The following ROR2 variants were observed in gnomAD, a reference collection of about 807,000 sequenced individuals.
ROR2 encodes ROR family WNT receptor 2, also known as tyrosine-protein kinase transmembrane receptor ROR2.
ROR2 carries 33 observed loss-of-function variants against 74.9 expected under a neutral mutation model. The ratio of observed to expected loss-of-function variants is 0.44; its 90% confidence interval spans 0.33 to 0.59. The LOEUF is 0.59. ROR2 is among the 20% of genes least tolerant of loss of function. The pLI is 0.02. For missense variants in ROR2, 1,216 were observed against 1,313.8 expected, an observed-to-expected ratio of 0.93 and a Z score of 1.15; for synonymous variants, 586 against 558.7, an observed-to-expected ratio of 1.05 and a Z score of -0.69.
At position 91,773,913 on chromosome 9, in the gene ROR2, T is replaced by C. The variant is rs111830021; in HGVS notation, c.175+1828A>G. Among the ~76,000 whole-genome samples the C allele has an allele frequency of 1.2e-4, 17 of 147,394 alleles. 1 individual carries two copies. Among genetic ancestry groups the C allele is most frequent in the Middle Eastern group, 6.8e-3 (2 of 294 alleles). Reference sequence around the variant, plus strand: ...AACCTGATCTCTTCCTTTAGGCCACTTGGCCACAACTCAGAATTTTATCAT... The same window carrying C: ...AACCTGATCTCTTCCTTTAGGCCACCTGGCCACAACTCAGAATTTTATCAT... On this transcript the variant is annotated intron_variant, in intron 2 of 8. Coordinates refer to ENST00000375708, the MANE Select transcript of ROR2 (RefSeq NM_004560.4).
intron 1 of ROR2, among the ~76,000 whole-genome samples, chr9:91,835,858 C>A (rs959873297): frequency 6.6e-6 from 1 of 152,190 alleles, no homozygotes; most frequent in Non-Finnish European, 1.5e-5. Context: ...AACACTCTCA[C>A]GAGATGTCTC....
At chr9:91,867,656 CTGTGTGTGTGTGTGTGTGTG>C (rs57475950) in intron 1 of ROR2, among the ~76,000 whole-genome samples, 7 of 131,288 alleles carry the variant, frequency 5.3e-5, no homozygotes, top group African/African-American at 1.2e-4. Context: ...CACCCATGAG[CTGTGTGTGTGTGTGTGTGTG>C]TGTGTGTGTG....
At chr9:91,725,159 A>G in intron 8 of ROR2, 52 bp from the exon 9 acceptor site, 3 of 1,607,638 alleles carry the variant, frequency 1.9e-6, no homozygotes, top group Non-Finnish European at 2.5e-6. Context: ...GCAGCCCTGG[A>G]GGAAGCTGCA....
chr9:91,877,788 G>A (rs1829997554), intron 1 of ROR2, among the ~76,000 whole-genome samples: 1 of 152,178 alleles, frequency 6.6e-6, no homozygotes, highest in South Asian at 2.1e-4. Context: ...GCTAAAACAG[G>A]AGAAGGAAGT....
chr9:91,862,833 A>G (rs1224894175), intron 1 of ROR2, among the ~76,000 whole-genome samples: 7 of 152,230 alleles, frequency 4.6e-5, no homozygotes, highest in Non-Finnish European at 7.3e-5. Context: ...AGTCTACGGT[A>G]TTTTGTTATG....
At chr9:91,814,414 G>C (rs535136776) in intron 1 of ROR2, among the ~76,000 whole-genome samples, 22 of 152,116 alleles carry the variant, frequency 1.4e-4, no homozygotes, top group Non-Finnish European at 3.1e-4. Flanking sequence ...AGGGAGAAGA[G>C]CGGCCATCCA....
At chr9:91,753,616 G>A (rs1243414486) in intron 4 of ROR2, among the ~76,000 whole-genome samples, 2 of 152,198 alleles carry the variant, frequency 1.3e-5, no homozygotes, top group African/African-American at 4.8e-5. Flanking sequence ...CCAGGGAAGG[G>A]AGACGCGGTG....
intron 1 of ROR2, among the ~76,000 whole-genome samples, chr9:91,880,215 G>A (rs1222788993): frequency 6.6e-6 from 1 of 152,130 alleles, no homozygotes; most frequent in Non-Finnish European, 1.5e-5. Context: ...AAGACACAGG[G>A]TGAAGACACC....
intron 7 of ROR2, among the ~76,000 whole-genome samples, chr9:91,729,404 C>A (rs535085782): frequency 1.1e-3 from 169 of 152,332 alleles, no homozygotes; most frequent in African/African-American, 3.9e-3. Flanking sequence ...TAATTTCATT[C>A]TTAAAATTTG....
intron 1 of ROR2, among the ~76,000 whole-genome samples, chr9:91,818,397 C>G (rs1483852275): frequency 6.6e-6 from 1 of 151,634 alleles, no homozygotes; most frequent in Non-Finnish European, 1.5e-5. Flanking sequence ...AATGCCACAC[C>G]CCCCCACAGG....
intron 1 of ROR2, among the ~76,000 whole-genome samples, chr9:91,781,152 T>C (rs551165097): frequency 2.0e-5 from 3 of 152,318 alleles, no homozygotes; most frequent in African/African-American, 4.8e-5. Context: ...GAGCTTGGCA[T>C]TCTTGGATTT....
At chr9:91,819,709 CTGTG>C (rs747370801) in intron 1 of ROR2, among the ~76,000 whole-genome samples, 52 of 131,724 alleles carry the variant, frequency 3.9e-4, no homozygotes, top group Admixed American at 7.6e-4. Flanking sequence ...TCAGTGTGTT[CTGTG>C]TGTGTCTTTT....
chr9:91,780,270 G>A (rs1337473974), intron 1 of ROR2, among the ~76,000 whole-genome samples: 2 of 152,048 alleles, frequency 1.3e-5, no homozygotes, highest in African/African-American at 2.4e-5. Context: ...CCAGCTACTC[G>A]GGAGGCTGAG....
In ROR2 at chr9:91,827,647, C is replaced by T. The variant is rs113821631; in HGVS notation, c.98-51829G>A. ...TCAGGATGCATGGCCCAAAACGTTC[C>T]CTCAAGAGACTGGTCCAATGTACAG... On this transcript the variant is annotated intron_variant, in intron 1 of 8. Transcript: ENST00000375708. Among the ~76,000 whole-genome samples the T allele has an allele frequency of 2.9e-3, 443 of 152,232 alleles. 4 individuals are homozygous for T. Among genetic ancestry groups the T allele is most frequent in the African/African-American group, 9.6e-3 (397 of 41,542 alleles).
At chr9:91,728,767 A>G (rs1837132842) in intron 7 of ROR2, among the ~76,000 whole-genome samples, 1 of 152,198 alleles carries the variant, frequency 6.6e-6, no homozygotes, top group Non-Finnish European at 1.5e-5. Context: ...CGTGTCATCC[A>G]TATTTTCCTG....
At chr9:91,792,561 G>A (rs1015403297) in intron 1 of ROR2, among the ~76,000 whole-genome samples, 10 of 152,128 alleles carry the variant, frequency 6.6e-5, no homozygotes, top group African/African-American at 2.4e-4. Flanking sequence ...GCCCACCTTG[G>A]CCTCCCAAAG....
At chr9:91,911,557 AATAG>A (rs1197089648) in intron 1 of ROR2, among the ~76,000 whole-genome samples, 13 of 152,208 alleles carry the variant, frequency 8.5e-5, no homozygotes, top group South Asian at 2.1e-4. Context: ...TAATTCAATA[AATAG>A]ATAGGGAAGT....
chr9:91,811,737 T>C (rs1358434532), intron 1 of ROR2, among the ~76,000 whole-genome samples: 2 of 152,250 alleles, frequency 1.3e-5, no homozygotes. Context: ...CCTGTTTCCC[T>C]GCACTCCCTC....
intron 4 of ROR2, among the ~76,000 whole-genome samples, chr9:91,748,393 CAT>C (rs1564249018): frequency 6.6e-6 from 1 of 152,046 alleles, no homozygotes; most frequent in Non-Finnish European, 1.5e-5. Context: ...ACAATGTACA[CAT>C]ATATCAAAAC....
Sources: gnomAD v4.1 joint callset for allele counts (sites outside exome capture counted in the v4.1 genomes callset) on GRCh38, gnomAD v4.1.1 for gene constraint, MANE v1.5 for transcripts, NCBI Gene and HGNC (gene_info 2026-07-23, HGNC 2026-07-21) for gene names.